The following GALNTL6 variants were observed in gnomAD, a reference collection of about 807,000 sequenced individuals.
The protein encoded by GALNTL6 is polypeptide N-acetylgalactosaminyltransferase like 6, also known as polypeptide N-acetylgalactosaminyltransferase-like 6.
Under a neutral mutation model 73.7 loss-of-function variants are expected in GALNTL6, and 46 were observed. The observed-to-expected ratio is 0.62, with a 90% CI of 0.49 to 0.80. The LOEUF (loss-of-function observed/expected upper bound fraction) is 0.80, where lower values mean the gene tolerates loss of function less well. Among genes scored for constraint, GALNTL6 ranks in the 30% least tolerant of loss-of-function variants. The probability of loss-of-function intolerance (pLI) is 0.00; values close to 1 mark genes in which losing one functional copy is unlikely to be tolerated. For synonymous variants in GALNTL6, 259 were observed against 263.7 expected, an observed-to-expected ratio of 0.98 and a Z score of 0.17; for missense variants, 604 against 755.0, an observed-to-expected ratio of 0.80 and a Z score of 2.34.
chr4:172,227,997 A>G (rs1736925000), intron 2 of GALNTL6, among the ~76,000 whole-genome samples: 1 of 152,176 alleles, frequency 6.6e-6, no homozygotes, highest in Non-Finnish European at 1.5e-5. Context: ...GGAGATTTTC[A>G]TTAGTGTTCA....
intron 5 of GALNTL6, among the ~76,000 whole-genome samples, chr4:172,615,768 T>G (rs1738704739): frequency 6.6e-6 from 1 of 152,170 alleles, no homozygotes; most frequent in Non-Finnish European, 1.5e-5. Flanking sequence ...GCAAAGCTAT[T>G]TAGCCCCTTA....
intron 2 of GALNTL6, among the ~76,000 whole-genome samples, chr4:172,039,705 T>C (rs1402288072): frequency 6.6e-6 from 1 of 152,140 alleles, no homozygotes; most frequent in Non-Finnish European, 1.5e-5. Flanking sequence ...GTGGGGAATC[T>C]GCCTGAGCAG....
chr4:172,724,274 A>G lies in GALNTL6; in HGVS notation c.554-85087A>G, dbSNP rs1024138770. 2.6e-5 allele frequency among the ~76,000 whole-genome samples: 4 copies of G among 152,190 alleles called. No homozygotes were observed. The East Asian group carries it at 7.7e-4, about 29-fold the overall frequency. On this transcript the variant is annotated intron_variant, in intron 5 of 12. Transcript: ENST00000506823. ...CATCATCAGTCCTTTATTTCAAGCC[A>G]TTAGTCTATTATACAAGATATCATT... is the stretch of plus-strand genomic sequence containing the variant.
rs140957279 is a variant in GALNTL6, at chr4:172,458,219, C to T, written c.553+109530C>T. Among the ~76,000 whole-genome samples, 524 of 151,952 alleles carry T rather than the reference C, an allele frequency of 3.4e-3. 1 individual carries two copies. The highest frequency in any genetic ancestry group is 6.8e-3 in the Middle Eastern group (2 of 294). On this transcript the variant is annotated intron_variant, in intron 5 of 12. Coordinates refer to ENST00000506823, the MANE Select transcript of GALNTL6 (RefSeq NM_001034845.3). ...CAGAATCTCTGGGACACATTTAAAG[C>T]AGTGTGTAGAAGGAAATTTATAAAA... is the stretch of plus-strand genomic sequence containing the variant.
intron 10 of GALNTL6, among the ~76,000 whole-genome samples, chr4:172,972,923 C>G (rs1750647685): frequency 6.6e-6 from 1 of 152,102 alleles, no homozygotes; most frequent in Non-Finnish European, 1.5e-5. Context: ...TCACTGGGCA[C>G]CAATGGCAGT....
chr4:171,950,902 A>C (rs1738857876), intron 2 of GALNTL6, among the ~76,000 whole-genome samples: 1 of 152,118 alleles, frequency 6.6e-6, no homozygotes, highest in Non-Finnish European at 1.5e-5. Flanking sequence ...TTTAAAACTG[A>C]TAGAGAGAAT....
chr4:172,956,048 G>A (rs1749734994), intron 10 of GALNTL6, among the ~76,000 whole-genome samples: 2 of 152,002 alleles, frequency 1.3e-5, no homozygotes, highest in Admixed American at 1.3e-4. Context: ...CTTAGCTTTG[G>A]CTCAGAGGCC....
intron 2 of GALNTL6, among the ~76,000 whole-genome samples, chr4:171,914,670 C>T (rs932714100): frequency 1.3e-5 from 2 of 151,382 alleles, no homozygotes; most frequent in South Asian, 2.1e-4. Flanking sequence ...CCCGTCTTGT[C>T]CTCCCAAATT....
intron 3 of GALNTL6, among the ~76,000 whole-genome samples, chr4:172,263,027 T>C (rs1484487037): frequency 6.6e-6 from 1 of 151,502 alleles, no homozygotes; most frequent in African/African-American, 2.4e-5. Context: ...GTTACCTGAA[T>C]CTTTTGTCTC....
chr4:172,741,756 A>G (rs1055415099), intron 5 of GALNTL6, among the ~76,000 whole-genome samples: 2 of 151,998 alleles, frequency 1.3e-5, no homozygotes, highest in Non-Finnish European at 2.9e-5. Flanking sequence ...ACATATATTT[A>G]AACTTATAGA....
chr4:172,598,923 T>G (rs1236863958), intron 5 of GALNTL6, among the ~76,000 whole-genome samples: 2 of 152,156 alleles, frequency 1.3e-5, no homozygotes, highest in Admixed American at 6.6e-5. Flanking sequence ...TGGTACAGTT[T>G]GTACCAGAAG....
At chr4:172,445,314 A>T (rs924827701) in intron 5 of GALNTL6, among the ~76,000 whole-genome samples, 1 of 152,238 alleles carries the variant, frequency 6.6e-6, no homozygotes, top group Non-Finnish European at 1.5e-5. Flanking sequence ...AAGTTTATCA[A>T]CTTAAAATTG....
intron 9 of GALNTL6, among the ~76,000 whole-genome samples, chr4:172,946,920 A>C (rs1325414701): frequency 6.6e-6 from 1 of 152,214 alleles, no homozygotes; most frequent in African/African-American, 2.4e-5. Context: ...ACAAACAATG[A>C]GAAAGATGAA....
At chr4:172,206,805 G>GTTTGTTTT (rs1554003003) in intron 2 of GALNTL6, among the ~76,000 whole-genome samples, 695 of 26,124 alleles carry the variant, frequency 0.027, 88 homozygotes, top group South Asian at 0.043. Context: ...TTGTTTTTCT[G>GTTTGTTTT]TTTTTTTTGT....
rs1277825352 is a variant in GALNTL6, at chr4:172,126,800, T to G, written c.139-102856T>G. On this transcript the variant is annotated intron_variant, in intron 2 of 12. Coordinates refer to ENST00000506823, the MANE Select transcript of GALNTL6 (RefSeq NM_001034845.3). Reference sequence around the variant, plus strand: ...GCCCAGCCCCCACCAGAAGGTACCCTAACTGGGGTCCCAACAGTCCCTGCA... The same window carrying G: ...GCCCAGCCCCCACCAGAAGGTACCCGAACTGGGGTCCCAACAGTCCCTGCA... Among the ~76,000 whole-genome samples the G allele has an allele frequency of 3.3e-5, 5 of 152,108 alleles. 1 individual carries two copies. In the South Asian group the frequency reaches 1.0e-3, roughly 32 times the overall value.
At chr4:172,379,533 T>A (rs1162301352) in intron 5 of GALNTL6, among the ~76,000 whole-genome samples, 1 of 6,864 alleles carries the variant, frequency 1.5e-4, no homozygotes. Flanking sequence ...CGAGACTCCG[T>A]CTCAAAAAAA....
At chr4:172,914,078 G>T (rs985206933) in intron 8 of GALNTL6, among the ~76,000 whole-genome samples, 1 of 151,580 alleles carries the variant, frequency 6.6e-6, no homozygotes, top group Admixed American at 6.6e-5. Flanking sequence ...AGGTTGGGGG[G>T]GTGGTGGCCA....
chr4:172,096,177 C>G (rs535055923), intron 2 of GALNTL6, among the ~76,000 whole-genome samples: 1 of 151,986 alleles, frequency 6.6e-6, no homozygotes, highest in Admixed American at 6.6e-5. Flanking sequence ...AACCATAGCT[C>G]ACTGCAGCCT....
chr4:171,844,913 A>AT (rs1184137119), intron 2 of GALNTL6, among the ~76,000 whole-genome samples: 1 of 152,134 alleles, frequency 6.6e-6, no homozygotes, highest in Non-Finnish European at 1.5e-5. Context: ...TTCTTGCTCC[A>AT]TTTCAAACAA....
Sources: gnomAD v4.1 joint callset for allele counts (sites outside exome capture counted in the v4.1 genomes callset) on GRCh38, gnomAD v4.1.1 for gene constraint, MANE v1.5 for transcripts, NCBI Gene and HGNC (gene_info 2026-07-23, HGNC 2026-07-21) for gene names.